Variants in RUNX1T1 observed in about 807,000 individuals in gnomAD.
RUNX1T1 encodes RUNX1 partner transcriptional co-repressor 1.
In RUNX1T1, 4 loss-of-function variants were observed where a neutral mutation model predicts 62.8. The observed-to-expected ratio is 0.06, with a 90% CI of 0.03 to 0.15. The LOEUF (loss-of-function observed/expected upper bound fraction) is 0.15. Ranked by LOEUF, RUNX1T1 falls within the 10% of genes least tolerant of loss-of-function variation. The pLI is 1.00. For synonymous variants in RUNX1T1, 291 were observed against 286.0 expected (o/e 1.02, Z -0.18); for missense variants, 508 against 754.3 (o/e 0.67, Z 3.82).
intron 1 of RUNX1T1, among the ~76,000 whole-genome samples, chr8:92,051,661 G>A (rs1052774241): frequency 2.0e-5 from 3 of 151,044 alleles, no homozygotes; most frequent in Admixed American, 6.6e-5. Flanking sequence ...TCCTCAGAGC[G>A]GAAATGCTCA....
chr8:91,965,525 T>C (rs1316209817), intron 10 of RUNX1T1, among the ~76,000 whole-genome samples: 1 of 152,132 alleles, frequency 6.6e-6, no homozygotes, highest in East Asian at 1.9e-4. Context: ...AGCAAATTAC[T>C]CTCAAACCTG....
At chr8:92,095,670 C>A in intron 1 of RUNX1T1, 4 of 995,036 alleles carry the variant, frequency 4.0e-6, no homozygotes, top group Non-Finnish European at 5.4e-6. Context: ...GAGACACAGG[C>A]AGGAGGGAAG....
At chr8:92,056,671 T>G (rs1831092175) in intron 1 of RUNX1T1, among the ~76,000 whole-genome samples, 1 of 152,036 alleles carries the variant, frequency 6.6e-6, no homozygotes, top group Non-Finnish European at 1.5e-5. Context: ...TTCTTAAGAA[T>G]GTACTCATCT....
chr8:91,997,446 AACTT>A (rs748586916), intron 5 of RUNX1T1, among the ~76,000 whole-genome samples: 7 of 152,236 alleles, frequency 4.6e-5, no homozygotes, highest in East Asian at 3.9e-4. Flanking sequence ...AGAAAGAAGA[AACTT>A]AATTTCTAAT....
chr8:92,099,621 C>G (rs1019130837), exon 1 of RUNX1T1: 31 of 985,250 alleles, frequency 3.1e-5, no homozygotes, highest in Non-Finnish European at 3.4e-5. Flanking sequence ...CCGTTTTTTT[C>G]ACATGCAAAT....
intron 2 of RUNX1T1, among the ~76,000 whole-genome samples, chr8:92,074,365 A>T (rs1171741519): frequency 6.6e-6 from 1 of 152,200 alleles, no homozygotes; most frequent in African/African-American, 2.4e-5. Flanking sequence ...ATGGAATGCG[A>T]GTGGGTAAAG....
intron 1 of RUNX1T1, among the ~76,000 whole-genome samples, chr8:92,034,697 T>C (rs781509590): frequency 6.0e-5 from 6 of 100,410 alleles, no homozygotes; most frequent in Non-Finnish European, 8.6e-5. Context: ...TGTGTATACA[T>C]GTATACATAT....
intron 8 of RUNX1T1, among the ~76,000 whole-genome samples, chr8:91,982,888 A>C (rs1025617117): frequency 4.6e-5 from 7 of 151,814 alleles, no homozygotes; most frequent in Non-Finnish European, 7.4e-5. Context: ...AGGTTATTCA[A>C]AAAAGAGATT....
intron 1 of RUNX1T1, among the ~76,000 whole-genome samples, chr8:92,049,997 T>C (rs998846428): frequency 6.6e-6 from 1 of 152,216 alleles, no homozygotes; most frequent in African/African-American, 2.4e-5. Context: ...GAATTAAAAT[T>C]CTGCATTGTA....
chr8:91,968,935 G>T (rs1290199749), intron 10 of RUNX1T1, among the ~76,000 whole-genome samples: 1 of 152,108 alleles, frequency 6.6e-6, no homozygotes, highest in Non-Finnish European at 1.5e-5. Context: ...AGAATTGTAA[G>T]AATTGGAGCC....
intron 1 of RUNX1T1, among the ~76,000 whole-genome samples, chr8:92,029,471 C>A (rs1315647850): frequency 1.3e-5 from 2 of 152,012 alleles, no homozygotes; most frequent in Non-Finnish European, 2.9e-5. Context: ...AGTAAGATGC[C>A]CTCGAATAAG....
intron 1 of RUNX1T1, among the ~76,000 whole-genome samples, chr8:92,055,251 T>C (rs1005788320): frequency 6.6e-6 from 1 of 152,018 alleles, no homozygotes. Flanking sequence ...AAAATATAGA[T>C]AAAGATAAAA....
chr8:92,016,661 C>T (rs115480832), intron 2 of RUNX1T1, among the ~76,000 whole-genome samples: 1,625 of 152,060 alleles, frequency 0.011, 21 homozygotes, highest in African/African-American at 0.037. Flanking sequence ...GGTGACAGAG[C>T]GAGATTCTGT....
At chr8:92,005,564 T>C in intron 4 of RUNX1T1, 2 of 427,088 alleles carry the variant, frequency 4.7e-6, no homozygotes, top group Non-Finnish European at 8.3e-6. Context: ...TGGCACATTA[T>C]TTTTAGGGTC....
intron 5 of RUNX1T1, among the ~76,000 whole-genome samples, chr8:92,004,252 G>C (rs1820301968): frequency 6.6e-6 from 1 of 152,176 alleles, no homozygotes; most frequent in Non-Finnish European, 1.5e-5. Flanking sequence ...AGCAGAGAAA[G>C]AAAGCAAAGT....
In RUNX1T1 at chr8:92,021,469, A is replaced by T. The variant is rs959784127; in HGVS notation, c.8-4106T>A. Among the ~76,000 whole-genome samples the T allele has an allele frequency of 2.6e-5, 4 of 152,130 alleles. No homozygotes were observed. In the East Asian group the frequency reaches 7.7e-4, roughly 29 times the overall value. On this transcript the variant is annotated intron_variant, in intron 1 of 10. Coordinates refer to ENST00000396218, the Ensembl canonical transcript of RUNX1T1. ...TGTGGTAATGCCCATTCCTGCTCAG[A>T]ACCCTTCTGCAATGCCCGAGAATGA...
intron 1 of RUNX1T1, among the ~76,000 whole-genome samples, chr8:92,021,606 A>C (rs1049299593): frequency 2.6e-5 from 4 of 152,204 alleles, no homozygotes; most frequent in African/African-American, 9.6e-5. Context: ...CTCCACCATT[A>C]GTAGTGAGTT....
At chr8:92,034,821 C>T (rs1446018564) in intron 1 of RUNX1T1, among the ~76,000 whole-genome samples, 1,686 of 140,570 alleles carry the variant, frequency 0.012, 64 homozygotes, top group African/African-American at 0.049. Context: ...CACACACACA[C>T]ACACACACAC....
exon 5 of RUNX1T1, chr8:92,005,145 G>T: frequency 6.2e-7 from 1 of 1,611,672 alleles, no homozygotes; most frequent in Non-Finnish European, 8.5e-7. Flanking sequence ...TCCCGTTTTC[G>T]TTCACATCGA....
Sources: allele counts gnomAD v4.1 joint callset (sites outside exome capture counted in the v4.1 genomes callset), GRCh38; gene constraint gnomAD v4.1.1; transcripts MANE v1.5; gene names NCBI Gene and HGNC (gene_info 2026-07-23, HGNC 2026-07-21).